Variants in AKNAD1 observed in about 807,000 individuals in gnomAD.
The protein encoded by AKNAD1 is protein AKNAD1.
A neutral mutation model predicts 90.8 loss-of-function variants in AKNAD1; 67 were observed. That is an observed-to-expected ratio of 0.74 (90% CI 0.61 to 0.90). AKNAD1 has a LOEUF of 0.90. Ranked by LOEUF, AKNAD1 falls within the 40% of genes least tolerant of loss-of-function variation. The pLI is 0.00. For synonymous variants in AKNAD1, 327 were observed against 341.4 expected (o/e 0.96, Z 0.46); for missense variants, 957 against 975.4 (o/e 0.98, Z 0.25).
At chr1:108,820,200 C>T (rs1767031) in intron 14 of AKNAD1, among the ~76,000 whole-genome samples, 43,241 of 152,030 alleles carry the variant, frequency 0.28, 6,926 homozygotes, top group East Asian at 0.7. Flanking sequence ...ACTTATCCTT[C>T]GAAGCTCAGC....
At position 108,830,599 on chromosome 1, in the gene AKNAD1, G is replaced by C; in HGVS notation, c.1798C>G (p.Pro600Ala). The C allele has an allele frequency of 6.2e-7, 1 of 1,614,066 alleles. No individual in the cohort carries two copies. The highest frequency in any genetic ancestry group is 1.7e-5 in the Admixed American group (1 of 60,026). ...RRQDCAEMTA[P>A]SPSCAFCRRL... The stretch of plus-strand genomic sequence containing the variant: ...CGACAGAAGGCACAGCTCGGACTGG[G>C]TGCCGTCATCTCTGCACAATCCTGC... The change falls in exon 10 of 16, where the codon CCC becomes GCC. Residue 600 changes from proline (P) to alanine (A), a missense_variant. Physicochemically the swap from Pro to Ala is conservative, Grantham distance 27 (BLOSUM62 -1). Transcript: ENST00000370001.
Position 108,853,136 on chromosome 1 carries a change from C to CTTTTTTTTTTTTTTTTT in AKNAD1, c.-103-370_-103-369insAAAAAAAAAAAAAAAAA, listed in dbSNP as rs889504364. Among the ~76,000 whole-genome samples, 21 of 133,536 alleles carry CTTTTTTTTTTTTTTTTT rather than the reference C, an allele frequency of 1.6e-4. 2 individuals are homozygous for CTTTTTTTTTTTTTTTTT. The highest frequency in any genetic ancestry group is 7.1e-4 in the South Asian group (3 of 4,200). The allele number at this position is 133,536 out of a possible 152,430, so 87.6% of individuals were successfully genotyped here. A position where few individuals can be genotyped will look rare whatever the true frequency, so the allele number is the denominator to read the frequency against. On this transcript the variant is annotated intron_variant, in intron 1 of 15. Coordinates refer to ENST00000370001, the MANE Select transcript of AKNAD1 (RefSeq NM_152763.5). The stretch of plus-strand genomic sequence containing the variant: ...AAAGGATTGATTTTTTTTCTTTTTT[C>CTTTTTTTTTTTTTTTTT]TTTTTTTTTTTTTGAGACGGAGTCT...
At chr1:108,849,921 T>C (rs1256647218) in intron 2 of AKNAD1, among the ~76,000 whole-genome samples, 1 of 152,216 alleles carries the variant, frequency 6.6e-6, no homozygotes, top group Non-Finnish European at 1.5e-5. Flanking sequence ...ACCATTGTGT[T>C]TGATACTGGT....
intron 2 of AKNAD1, 132 bp downstream of exon 2, chr1:108,851,540 T>C (rs1315886037): frequency 2.5e-6 from 2 of 813,290 alleles, no homozygotes; most frequent in African/African-American, 1.7e-5. Context: ...ACGTCACTCA[T>C]CCAGGGTGAC....
chr1:108,841,852 C>G (rs1664566262), intron 6 of AKNAD1, among the ~76,000 whole-genome samples: 1 of 152,062 alleles, frequency 6.6e-6, no homozygotes, highest in African/African-American at 2.4e-5. Flanking sequence ...CTCCCTTGCC[C>G]CAGTGTTGAA....
At chr1:108,829,256 T>C (rs956750291) in intron 10 of AKNAD1, among the ~76,000 whole-genome samples, 3 of 151,418 alleles carry the variant, frequency 2.0e-5, no homozygotes, top group Non-Finnish European at 4.4e-5. Context: ...TTGGTTGTGC[T>C]TGTCTTTCCA....
rs777039469 is a variant in AKNAD1 at position 108,851,911 on chromosome 1, C to T, written c.754G>A (p.Gly252Ser). 2 of 1,614,168 alleles carry T rather than the reference C, an allele frequency of 1.2e-6. No homozygotes were observed. The highest frequency in any genetic ancestry group is 1.7e-6 in the Non-Finnish European group (2 of 1,180,028). ...NSGNTFKYGQ[G>S]QVHYQLPDFS... ...TCAGGGAGCTGGTAATGAACTTGACCTTGGCCGTATTTGAACGTGTTGCCT... is the reference window on the plus strand; with the variant it reads ...TCAGGGAGCTGGTAATGAACTTGACTTTGGCCGTATTTGAACGTGTTGCCT... Residue 252 changes from glycine to serine, a missense_variant, in exon 2 of 16, where the codon GGT (glycine) becomes AGT (serine). Transcript: ENST00000370001.
chr1:108,852,633 G>A lies in AKNAD1; in HGVS notation c.32C>T (p.Thr11Ile). Residue 11 changes from threonine to isoleucine, a missense_variant, in exon 2 of 16, where the codon ACT (threonine) becomes ATT (isoleucine). Physicochemically the swap from Thr to Ile is moderately conservative, Grantham distance 89. Coordinates refer to ENST00000370001, the MANE Select transcript of AKNAD1 (RefSeq NM_152763.5). Reference protein sequence around the residue: MDEADFSEHTTYKQEDLPYDG... With the variant: MDEADFSEHTIYKQEDLPYDG... ...ATAAGGCAAATCCTCCTGCTTATAA[G>A]TCGTGTGTTCTGAAAAATCAGCCTC... 6.3e-7 allele frequency: 1 copy of A among 1,596,224 alleles called. No individual in the cohort carries two copies. Among genetic ancestry groups the A allele is most frequent in the East Asian group, 2.2e-5 (1 of 44,776 alleles).
intron 10 of AKNAD1, among the ~76,000 whole-genome samples, chr1:108,829,733 TG>T (rs1452114012): frequency 6.6e-6 from 1 of 152,234 alleles, no homozygotes; most frequent in Non-Finnish European, 1.5e-5. Context: ...CCCTGTCATC[TG>T]CTTCTATTAG....
chr1:108,825,418 G>T (rs942538769), intron 11 of AKNAD1, among the ~76,000 whole-genome samples: 3 of 151,658 alleles, frequency 2.0e-5, no homozygotes, highest in South Asian at 2.1e-4. Flanking sequence ...ATAAAATAAA[G>T]ATAATCATTC....
rs12057309 is a variant in AKNAD1 at position 108,834,915 on chromosome 1, G to A, written c.1664+14C>T. ...GTGTCCTGTGTCTGCTGGGGCTCCA[G>A]GGCTAGGACTCACGTCTGCGGGGCC... On this transcript the variant is annotated intron_variant, in intron 8 of 15. Coordinates refer to ENST00000370001, the MANE Select transcript of AKNAD1 (RefSeq NM_152763.5). The A allele has an allele frequency of 0.12, 175,726 of 1,520,324 alleles. 10,745 individuals are homozygous for A. Among genetic ancestry groups the A allele is most frequent in the African/African-American group, 0.18 (12,649 of 69,412 alleles). The allele number at this position is 1,520,324 out of a possible 1,614,324, so 94.2% of individuals were successfully genotyped here. A position where few individuals can be genotyped will look rare whatever the true frequency, so the allele number is the denominator to read the frequency against.
intron 6 of AKNAD1, among the ~76,000 whole-genome samples, chr1:108,839,348 T>C (rs1040760132): frequency 1.3e-5 from 2 of 151,934 alleles, no homozygotes; most frequent in African/African-American, 4.8e-5. Context: ...TGGCGGATGC[T>C]TGTAGTCTCA....
chr1:108,826,458 C>T (rs1010105489), intron 11 of AKNAD1, among the ~76,000 whole-genome samples: 4 of 151,654 alleles, frequency 2.6e-5, no homozygotes, highest in Non-Finnish European at 5.9e-5. Flanking sequence ...GATCTTATGA[C>T]TAAAAGCCAT....
chr1:108,844,001 A>C (rs1170028215), intron 5 of AKNAD1, among the ~76,000 whole-genome samples: 1 of 152,318 alleles, frequency 6.6e-6, no homozygotes, highest in East Asian at 1.9e-4. Context: ...AGATTAAAAA[A>C]TTGCATCAGG....
chr1:108,828,593 C>T (rs1365874992), intron 10 of AKNAD1, among the ~76,000 whole-genome samples: 1 of 151,840 alleles, frequency 6.6e-6, no homozygotes, highest in Admixed American at 6.6e-5. Flanking sequence ...ATGCTCGCCG[C>T]GCTGTGCCCT....
chr1:108,850,671 G>A (rs1170423569), intron 2 of AKNAD1, among the ~76,000 whole-genome samples: 2 of 152,060 alleles, frequency 1.3e-5, no homozygotes, highest in Non-Finnish European at 2.9e-5. Context: ...CACTTCCAAG[G>A]TTAGGTTACA....
At chr1:108,834,643 C>A (rs997171143) in intron 8 of AKNAD1, 115 bp from the exon 9 acceptor site, 2 of 1,109,566 alleles carry the variant, frequency 1.8e-6, no homozygotes, top group Non-Finnish European at 2.6e-6. Context: ...GAGCGAGCAA[C>A]CTAAGGCAGA....
intron 8 of AKNAD1, 123 bp downstream of exon 8, chr1:108,834,806 T>C (rs557854470): frequency 3.1e-4 from 447 of 1,434,148 alleles, no homozygotes; most frequent in South Asian, 3.0e-3. Context: ...CTACCAGGCT[T>C]TGTAACTCGT....
At chr1:108,856,556 A>G (rs1665047718) in intron 1 of AKNAD1, among the ~76,000 whole-genome samples, 1 of 152,036 alleles carries the variant, frequency 6.6e-6, no homozygotes, top group Non-Finnish European at 1.5e-5. Flanking sequence ...AAAAATTAAA[A>G]ATTAGCCAGC....
Sources: gnomAD v4.1 joint callset for allele counts (sites outside exome capture counted in the v4.1 genomes callset) on GRCh38, gnomAD v4.1.1 for gene constraint, MANE v1.5 for transcripts, NCBI Gene and HGNC (gene_info 2026-07-23, HGNC 2026-07-21) for gene names.